The following GRK5 variants were observed in gnomAD, a reference collection of about 807,000 sequenced individuals.
The protein encoded by GRK5 is G protein-coupled receptor kinase 5.
A neutral mutation model predicts 78.4 loss-of-function variants in GRK5; 40 were observed. The observed-to-expected ratio is 0.51, with a 90% CI of 0.40 to 0.66. GRK5 has a LOEUF of 0.66. Ranked by LOEUF, GRK5 falls within the 30% of genes least tolerant of loss-of-function variation. The pLI is 0.00. For missense variants in GRK5, 598 were observed against 759.9 expected, an observed-to-expected ratio of 0.79 and a Z score of 2.50; for synonymous variants, 289 against 296.8, an observed-to-expected ratio of 0.97 and a Z score of 0.27.
chr10:119,367,553 C>T (rs972887530), intron 2 of GRK5, among the ~76,000 whole-genome samples: 5 of 152,210 alleles, frequency 3.3e-5, no homozygotes, highest in African/African-American at 1.2e-4. Flanking sequence ...CTGGGAGAAT[C>T]GGAGCTGTAT....
At chr10:119,303,175 T>C (rs1283302422) in intron 1 of GRK5, among the ~76,000 whole-genome samples, 1 of 152,080 alleles carries the variant, frequency 6.6e-6, no homozygotes, top group Admixed American at 6.5e-5. Flanking sequence ...GGGGGCAGGA[T>C]GGTGAATTGA....
At chr10:119,240,077 C>G (rs994736169) in intron 1 of GRK5, among the ~76,000 whole-genome samples, 1 of 151,872 alleles carries the variant, frequency 6.6e-6, no homozygotes, top group Non-Finnish European at 1.5e-5. Context: ...GGCTCTAGAT[C>G]CTTGAGGAAT....
chr10:119,418,243 C>T (rs1852502545), intron 4 of GRK5, among the ~76,000 whole-genome samples: 1 of 152,176 alleles, frequency 6.6e-6, no homozygotes, highest in Non-Finnish European at 1.5e-5. Context: ...ACAGAAGAAC[C>T]AGCTCACAGA....
At chr10:119,425,158 A>T in intron 6 of GRK5, 73 bp downstream of exon 6, 1 of 1,119,340 alleles carries the variant, frequency 8.9e-7, no homozygotes, top group Non-Finnish European at 1.4e-6. Context: ...TTCATATAAA[A>T]ATCAGTTACC....
intron 8 of GRK5, among the ~76,000 whole-genome samples, chr10:119,436,073 C>T (rs1852912152): frequency 6.6e-6 from 1 of 152,252 alleles, no homozygotes. Context: ...TTGTCTCCCA[C>T]TGGTCCCTCC....
At chr10:119,311,885 T>G (rs1240267353) in intron 1 of GRK5, among the ~76,000 whole-genome samples, 2 of 150,950 alleles carry the variant, frequency 1.3e-5, no homozygotes, top group Admixed American at 6.6e-5. Flanking sequence ...CTCAACACTG[T>G]GAGTGTACTG....
chr10:119,323,575 G>T (rs1589744655), intron 1 of GRK5, among the ~76,000 whole-genome samples: 1 of 152,200 alleles, frequency 6.6e-6, no homozygotes, highest in East Asian at 1.9e-4. Flanking sequence ...GGATTGGCTT[G>T]TCTGGAGGCC....
chr10:119,239,523 A>G (rs1047456484), intron 1 of GRK5, among the ~76,000 whole-genome samples: 4 of 152,148 alleles, frequency 2.6e-5, no homozygotes, highest in Non-Finnish European at 5.9e-5. Flanking sequence ...GGCATGAGCC[A>G]CTGCACTAGG....
chr10:119,290,001 G>A (rs1849921033), intron 1 of GRK5, among the ~76,000 whole-genome samples: 2 of 152,188 alleles, frequency 1.3e-5, no homozygotes, highest in African/African-American at 4.8e-5. Flanking sequence ...CAGCTGCTTA[G>A]TAGCGGAGGT....
At chr10:119,382,718 A>G (rs4751715) in intron 3 of GRK5, among the ~76,000 whole-genome samples, 151,960 of 152,294 alleles carry the variant, frequency 1, 75,813 homozygotes, top group Middle Eastern at 1. Flanking sequence ...CAGTGTTCTC[A>G]TACATTTTAT....
chr10:119,420,606 T>A (rs1564928028), intron 4 of GRK5, among the ~76,000 whole-genome samples: 2 of 150,962 alleles, frequency 1.3e-5, no homozygotes, highest in Admixed American at 1.3e-4. Context: ...TGAGACAGGG[T>A]CTCACCGTGT....
At chr10:119,410,855 G>A (rs1440490581) in intron 4 of GRK5, among the ~76,000 whole-genome samples, 5 of 103,700 alleles carry the variant, frequency 4.8e-5, no homozygotes, top group African/African-American at 1.4e-4. Context: ...CTCCACAGCC[G>A]TGGAGCCACC....
chr10:119,401,511 T>A (rs1163317214), intron 4 of GRK5, among the ~76,000 whole-genome samples: 4 of 152,136 alleles, frequency 2.6e-5, no homozygotes, highest in Non-Finnish European at 5.9e-5. Context: ...TAGACCTGGG[T>A]TCAAAGCCAG....
chr10:119,222,785 CTCCGTG>C (rs1361385051), intron 1 of GRK5, among the ~76,000 whole-genome samples: 1 of 152,242 alleles, frequency 6.6e-6, no homozygotes, highest in Non-Finnish European at 1.5e-5. Context: ...AGGCTACGGG[CTCCGTG>C]TCCTGTCAGA....
chr10:119,216,448 G>T (rs1848575586), intron 1 of GRK5, among the ~76,000 whole-genome samples: 1 of 152,194 alleles, frequency 6.6e-6, no homozygotes, highest in African/African-American at 2.4e-5. Context: ...CTGATCTGCT[G>T]CCCTGTCCTC....
chr10:119,248,686 AT>A (rs1049261486), intron 1 of GRK5, among the ~76,000 whole-genome samples: 1 of 151,540 alleles, frequency 6.6e-6, no homozygotes, highest in Non-Finnish European at 1.5e-5. Flanking sequence ...GGCAAGACTG[AT>A]TTTTTCATTT....
At chr10:119,414,096 G>C (rs1589796934) in intron 4 of GRK5, among the ~76,000 whole-genome samples, 1 of 152,302 alleles carries the variant, frequency 6.6e-6, no homozygotes, top group East Asian at 1.9e-4. Context: ...GGGGACCCCT[G>C]GGAGCCCCTT....
intron 1 of GRK5, among the ~76,000 whole-genome samples, chr10:119,219,147 C>G (rs1163140677): frequency 6.6e-6 from 1 of 152,106 alleles, no homozygotes; most frequent in East Asian, 1.9e-4. Context: ...CTCGGCCTCC[C>G]AAAGTGCTGG....
At chr10:119,218,936 T>A (rs1442204735) in intron 1 of GRK5, among the ~76,000 whole-genome samples, 2 of 150,730 alleles carry the variant, frequency 1.3e-5, no homozygotes, top group African/African-American at 5.0e-5. Context: ...TCTCGCTCTG[T>A]CCCTAGGCCA....
Sources: gnomAD v4.1 joint callset for allele counts (sites outside exome capture counted in the v4.1 genomes callset) on GRCh38, gnomAD v4.1.1 for gene constraint, MANE v1.5 for transcripts, NCBI Gene and HGNC (gene_info 2026-07-23, HGNC 2026-07-21) for gene names.